The following SHLD2 variants were observed in gnomAD, a reference collection of about 807,000 sequenced individuals.
SHLD2 encodes RINN1-REV7-interacting novel NHEJ regulator 2.
Under a neutral mutation model 73.2 loss-of-function variants are expected in SHLD2, and 30 were observed. That is an observed-to-expected ratio of 0.41 (90% CI 0.31 to 0.56). The LOEUF (loss-of-function observed/expected upper bound fraction) is 0.56, where lower values mean the gene tolerates loss of function less well. Among genes scored for constraint, SHLD2 ranks in the 20% least tolerant of loss-of-function variants. SHLD2 has a pLI of 0.28. For synonymous variants in SHLD2, 285 were observed against 370.1 expected (o/e 0.77, Z 2.64); for missense variants, 745 against 1,055.9 (o/e 0.71, Z 4.08).
At chr10:87,166,460 T>A (rs1847209924) in intron 4 of SHLD2, among the ~76,000 whole-genome samples, 1 of 152,320 alleles carries the variant, frequency 6.6e-6, no homozygotes, top group Non-Finnish European at 1.5e-5. Flanking sequence ...GAAAAATTTT[T>A]AAATGAAGAA....
chr10:87,132,208 TGG>T (rs1844478586), intron 2 of SHLD2, among the ~76,000 whole-genome samples: 2 of 152,192 alleles, frequency 1.3e-5, no homozygotes, highest in Admixed American at 6.6e-5. Flanking sequence ...CTATATTCTA[TGG>T]TTGTGATGTA....
At chr10:87,099,692 A>C (rs1436786521) in intron 2 of SHLD2, among the ~76,000 whole-genome samples, 1 of 152,142 alleles carries the variant, frequency 6.6e-6, no homozygotes, top group Non-Finnish European at 1.5e-5. Context: ...TCCATATTTA[A>C]ATTTTTGAGG....
At chr10:87,130,548 G>A (rs1427135124) in intron 2 of SHLD2, among the ~76,000 whole-genome samples, 2 of 152,040 alleles carry the variant, frequency 1.3e-5, no homozygotes, top group Non-Finnish European at 2.9e-5. Flanking sequence ...GGAAGGTACT[G>A]AGAGATTGAG....
At chr10:87,185,749 A>G (rs549580429) in intron 8 of SHLD2, among the ~76,000 whole-genome samples, 2 of 152,190 alleles carry the variant, frequency 1.3e-5, no homozygotes, top group East Asian at 3.9e-4. Context: ...TGTATGTGGG[A>G]TAAGGAAGGG....
chr10:87,137,866 A>T (rs1844906706), intron 2 of SHLD2, among the ~76,000 whole-genome samples: 1 of 152,194 alleles, frequency 6.6e-6, no homozygotes, highest in Admixed American at 6.5e-5. Flanking sequence ...CACATTAGTT[A>T]TGTGAGAATG....
At chr10:87,149,347 G>A (rs1385531043) in intron 2 of SHLD2, among the ~76,000 whole-genome samples, 1 of 151,942 alleles carries the variant, frequency 6.6e-6, no homozygotes, top group Admixed American at 6.6e-5. Context: ...TATTCCTTAT[G>A]AAGGTTATTC....
At chr10:87,122,024 C>T (rs1042210947) in intron 2 of SHLD2, among the ~76,000 whole-genome samples, 17 of 152,026 alleles carry the variant, frequency 1.1e-4, no homozygotes, top group African/African-American at 4.1e-4. Flanking sequence ...CTTGGTCTCC[C>T]AAAGTTCTGG....
In SHLD2 at chr10:87,191,279, C is replaced by G. The variant is rs1316760534; in HGVS notation, c.*596C>G. On this transcript the variant is annotated 3_prime_UTR_variant, in exon 10 of 10. Transcript: ENST00000298786. ...TAGTTCGTGTCTAGGATTTGAGTGC[C>G]TTACTGAATGCATTTACCAGCAAAC... 6.4e-6 allele frequency: 1 copy of G among 157,464 alleles called. No individual in the cohort carries two copies. Among genetic ancestry groups the G allele is most frequent in the African/African-American group, 2.4e-5 (1 of 41,360 alleles). 9.8% of individuals were successfully genotyped at this position (157,464 alleles called of 1,614,324 possible). A position where few individuals can be genotyped will look rare whatever the true frequency, so the allele number is the denominator to read the frequency against.
chr10:87,159,810 G>A (rs554418084), intron 4 of SHLD2, among the ~76,000 whole-genome samples: 1 of 152,294 alleles, frequency 6.6e-6, no homozygotes, highest in South Asian at 2.1e-4. Context: ...GAGGGAACTG[G>A]TTTGTGGGGA....
intron 2 of SHLD2, among the ~76,000 whole-genome samples, chr10:87,136,902 G>A (rs192163593): frequency 6.3e-4 from 96 of 152,344 alleles, no homozygotes; most frequent in African/African-American, 2.3e-3. Flanking sequence ...TTTGAAGCCA[G>A]TGATTAACTG....
chr10:87,126,706 G>A (rs544666901), intron 2 of SHLD2, among the ~76,000 whole-genome samples: 8 of 152,156 alleles, frequency 5.3e-5, no homozygotes, highest in Non-Finnish European at 8.8e-5. Flanking sequence ...TAGGAGGAAT[G>A]ATTGTTACAT....
At position 87,175,961 on chromosome 10, in the gene SHLD2, C is replaced by T. The variant is rs764090639; in HGVS notation, c.2036C>T (p.Thr679Met). The T allele has an allele frequency of 6.7e-5, 104 of 1,550,350 alleles. No homozygotes were observed. Among genetic ancestry groups the T allele is most frequent in the South Asian group, 3.5e-4 (29 of 84,032 alleles). ...YTLENLELHT[T>M]PWSSCECLFD... Reference sequence around the variant, plus strand: ...CTAGAAAACCTAGAATTGCATACAACGCCTTGGTCATCCTGTGAGTGCTTG... The same window carrying T: ...CTAGAAAACCTAGAATTGCATACAATGCCTTGGTCATCCTGTGAGTGCTTG... Residue 679 changes from threonine (T) to methionine (M), a missense_variant, in exon 7 of 10, where the codon ACG (threonine) becomes ATG (methionine). By Grantham distance (81) the Thr-to-Met change is moderately conservative. Coordinates refer to ENST00000298786, the MANE Select transcript of SHLD2 (RefSeq NM_001330112.2).
At chr10:87,189,002 C>CTT (rs10708013) in intron 9 of SHLD2, among the ~76,000 whole-genome samples, 3 of 113,986 alleles carry the variant, frequency 2.6e-5, no homozygotes, top group South Asian at 2.8e-4. Context: ...GTAATCTCTT[C>CTT]TTTTTTTTTT....
chr10:87,094,529 C>T (rs201593284), upstream of SHLD2: 24 of 1,612,670 alleles, frequency 1.5e-5, no homozygotes, highest in Non-Finnish European at 1.8e-5. The surrounding 1 kb of genome is among the most constrained non-coding windows in gnomAD (Gnocchi z 6.6). Context: ...TTGTCCTCCA[C>T]GATGCTGGCG....
At chr10:87,110,262 C>G (rs1200761746) in intron 2 of SHLD2, among the ~76,000 whole-genome samples, 1 of 151,890 alleles carries the variant, frequency 6.6e-6, no homozygotes, top group South Asian at 2.1e-4. Flanking sequence ...GCACTCCAGC[C>G]TGGGCAACAA....
At chr10:87,121,621 C>T (rs1018226666) in intron 2 of SHLD2, among the ~76,000 whole-genome samples, 2 of 151,860 alleles carry the variant, frequency 1.3e-5, no homozygotes, top group African/African-American at 4.8e-5. Flanking sequence ...TAATTCATGG[C>T]TTTTGAGAGC....
intron 2 of SHLD2, among the ~76,000 whole-genome samples, chr10:87,121,797 T>A (rs1444566985): frequency 1.4e-5 from 2 of 147,366 alleles, no homozygotes; most frequent in Admixed American, 1.3e-4. Flanking sequence ...GATAGTCTCG[T>A]CCTGATGGCC....
intron 2 of SHLD2, among the ~76,000 whole-genome samples, chr10:87,124,705 G>A (rs1301156061): frequency 6.7e-6 from 1 of 148,568 alleles, no homozygotes; most frequent in Non-Finnish European, 1.5e-5. Flanking sequence ...TACACCCTTT[G>A]TAAATTTGCA....
intron 8 of SHLD2, among the ~76,000 whole-genome samples, chr10:87,185,616 C>T (rs1414954711): frequency 5.9e-5 from 9 of 152,128 alleles, no homozygotes; most frequent in African/African-American, 2.2e-4. Context: ...GCTTTCGGGT[C>T]GTATCTAAGA....
Sources: gnomAD v4.1 joint callset for allele counts (sites outside exome capture counted in the v4.1 genomes callset) on GRCh38, gnomAD v4.1.1 for gene constraint, Gnocchi (gnomAD v3.1) non-coding constraint, MANE v1.5 for transcripts, NCBI Gene and HGNC (gene_info 2026-07-23, HGNC 2026-07-21) for gene names.